PTPN4: variants seen among roughly 807,000 people sequenced by gnomAD.
PTPN4 encodes the protein protein tyrosine phosphatase non-receptor type 4.
PTPN4 carries 49 observed loss-of-function variants against 135.5 expected under a neutral mutation model. The observed-to-expected ratio is 0.36, with a 90% confidence interval of 0.29 to 0.46. The LOEUF (loss-of-function observed/expected upper bound fraction) is 0.46, where lower values mean the gene tolerates loss of function less well. Among genes scored for constraint, PTPN4 ranks in the 20% least tolerant of loss-of-function variants. The pLI is 1.00. For missense variants in PTPN4, 860 were observed against 1,101.0 expected, an observed-to-expected ratio of 0.78 and a Z score of 3.10; for synonymous variants, 333 against 369.9, an observed-to-expected ratio of 0.90 and a Z score of 1.14.
At chr2:119,808,444 G>A (rs1222986087) in intron 1 of PTPN4, among the ~76,000 whole-genome samples, 1 of 152,106 alleles carries the variant, frequency 6.6e-6, no homozygotes, top group Non-Finnish European at 1.5e-5. Flanking sequence ...CAGACAGAGA[G>A]CCAAATCATG....
At chr2:119,942,786 AG>A (rs1258307236) in intron 15 of PTPN4, among the ~76,000 whole-genome samples, 122 of 152,306 alleles carry the variant, frequency 8.0e-4, no homozygotes, top group African/African-American at 2.6e-3. Context: ...CCTATGTAGT[AG>A]GCCGTGGTTG....
intron 1 of PTPN4, among the ~76,000 whole-genome samples, chr2:119,783,121 C>T (rs536726045): frequency 3.3e-5 from 5 of 151,918 alleles, no homozygotes; most frequent in African/African-American, 1.2e-4. Context: ...CACTCATTTG[C>T]ATTCATTCAT....
intron 2 of PTPN4, among the ~76,000 whole-genome samples, chr2:119,856,174 G>C (rs1400270228): frequency 6.6e-6 from 1 of 152,120 alleles, no homozygotes; most frequent in Non-Finnish European, 1.5e-5. Context: ...CTTTCAACCA[G>C]AAGGAGAGGC....
chr2:119,763,921 G>A (rs1051587422), intron 1 of PTPN4, among the ~76,000 whole-genome samples: 1 of 152,164 alleles, frequency 6.6e-6, no homozygotes. Context: ...GTTTATGCAT[G>A]GCATTGGGCA....
chr2:119,932,399 CATATT>C lies in PTPN4; in HGVS notation c.1071-22_1071-18del. ...TGGGGTATAAAAATAAAACTTTTAA[CATATT>C]ATTTAATTTATTTCTGCAGATCCCC... is the stretch of plus-strand genomic sequence containing the variant. On this transcript the variant is annotated intron_variant, in intron 13 of 26. Transcript: ENST00000263708. 6.5e-7 allele frequency: 1 copy of C among 1,540,342 alleles called. No individual in the cohort carries two copies. Among genetic ancestry groups the C allele is most frequent in the South Asian group, 1.2e-5 (1 of 80,712 alleles).
intron 1 of PTPN4, among the ~76,000 whole-genome samples, chr2:119,766,869 T>C (rs754448885): frequency 6.6e-6 from 1 of 152,104 alleles, no homozygotes; most frequent in Non-Finnish European, 1.5e-5. Flanking sequence ...GAGTTGAAGA[T>C]GATGCTAGGA....
intron 1 of PTPN4, among the ~76,000 whole-genome samples, chr2:119,795,793 C>T (rs910329626): frequency 1.3e-5 from 2 of 152,246 alleles, no homozygotes; most frequent in African/African-American, 4.8e-5. Context: ...GCCCTGGGCC[C>T]AGTTCTGCCT....
chr2:119,981,266 G>T lies in PTPN4; in HGVS notation c.*4196G>T, dbSNP rs1679688369. 6.6e-6 allele frequency: 1 copy of T among 152,024 alleles called. No homozygotes were observed. Among genetic ancestry groups the T allele is most frequent in the Non-Finnish European group, 1.5e-5 (1 of 67,948 alleles). The allele number at this position is 152,024 out of a possible 1,614,324, so 9.4% of individuals were successfully genotyped here. ...ATGTAATAGGACATAGATAAATTAT[G>T]CAACAGCCTGCTTTGATGAAAGCTG... On this transcript the variant is annotated 3_prime_UTR_variant, in exon 27 of 27. Transcript: ENST00000263708.
intron 2 of PTPN4, 54 bp from the exon 3 acceptor site, chr2:119,862,482 G>T: frequency 6.7e-7 from 1 of 1,484,436 alleles, no homozygotes; most frequent in Non-Finnish European, 9.3e-7. Flanking sequence ...TAAAAAATGT[G>T]AAGAATGTAA....
intron 1 of PTPN4, among the ~76,000 whole-genome samples, chr2:119,765,994 TGG>T (rs1454909581): frequency 1.3e-5 from 2 of 151,990 alleles, no homozygotes; most frequent in East Asian, 3.9e-4. Context: ...TCCTTGTGTT[TGG>T]GCAATGAGTG....
intron 24 of PTPN4, among the ~76,000 whole-genome samples, chr2:119,965,000 A>G (rs1269565167): frequency 2.0e-5 from 3 of 152,180 alleles, no homozygotes; most frequent in Non-Finnish European, 2.9e-5. Flanking sequence ...CCCTCAAATC[A>G]TCTCCCCAAG....
At chr2:119,773,391 A>G (rs1690770055) in intron 1 of PTPN4, among the ~76,000 whole-genome samples, 1 of 152,144 alleles carries the variant, frequency 6.6e-6, no homozygotes. Flanking sequence ...GACGATTTGA[A>G]AAAAACACAG....
chr2:119,859,577 A>G (rs566598269), intron 2 of PTPN4, among the ~76,000 whole-genome samples: 31 of 152,292 alleles, frequency 2.0e-4, no homozygotes, highest in African/African-American at 7.2e-4. Context: ...TGCTACAGCT[A>G]TGTGATGATA....
chr2:119,885,441 T>A (rs17049912), intron 8 of PTPN4, among the ~76,000 whole-genome samples: 1 of 151,924 alleles, frequency 6.6e-6, no homozygotes, highest in South Asian at 2.1e-4. Flanking sequence ...TTCAGAGATA[T>A]CCTGTGTGAT....
chr2:119,842,831 C>G (rs1217756941), intron 2 of PTPN4, among the ~76,000 whole-genome samples: 1 of 152,040 alleles, frequency 6.6e-6, no homozygotes, highest in African/African-American at 2.4e-5. Flanking sequence ...TCTTTTATAG[C>G]TATCACCAGT....
chr2:119,769,647 A>G (rs1282346218), intron 1 of PTPN4, among the ~76,000 whole-genome samples: 1 of 152,256 alleles, frequency 6.6e-6, no homozygotes, highest in African/African-American at 2.4e-5. Context: ...ATCTCAGGTC[A>G]TGGAAGAATA....
In PTPN4 at chr2:119,882,486, T is replaced by G; in HGVS notation, c.467-17T>G. ...AATTTGTTTATTAAAATGTGAATGT[T>G]TTCCTTTCATTATTAGCTGAACTTG... On this transcript the variant is annotated splice_polypyrimidine_tract_variant and intron_variant, in intron 7 of 26. Transcript: ENST00000263708. 1 of 1,494,484 alleles carries G rather than the reference T, an allele frequency of 6.7e-7. No individual in the cohort carries two copies. The highest frequency in any genetic ancestry group is 1.4e-5 in the African/African-American group (1 of 70,254). The allele number at this position is 1,494,484 out of a possible 1,614,324, so 92.6% of individuals were successfully genotyped here.
chr2:119,896,867 T>G (rs201176871), intron 9 of PTPN4, among the ~76,000 whole-genome samples: 1 of 152,158 alleles, frequency 6.6e-6, no homozygotes, highest in East Asian at 1.9e-4. Flanking sequence ...TTCTCCTTAT[T>G]AAAGCTCAAA....
intron 1 of PTPN4, among the ~76,000 whole-genome samples, chr2:119,767,082 C>T (rs1218435250): frequency 6.6e-6 from 1 of 152,200 alleles, no homozygotes; most frequent in Non-Finnish European, 1.5e-5. Context: ...TAATTTTTAA[C>T]ATTGTACTAG....
Sources: gnomAD v4.1 joint callset for allele counts (sites outside exome capture counted in the v4.1 genomes callset) on GRCh38, gnomAD v4.1.1 for gene constraint, MANE v1.5 for transcripts, NCBI Gene and HGNC (gene_info 2026-07-23, HGNC 2026-07-21) for gene names.